The following BEND6 variants were observed in gnomAD, a reference collection of about 807,000 sequenced individuals.
BEND6 encodes BEN domain containing 6, also known as BEN domain-containing protein 6.
A neutral mutation model predicts 31.8 loss-of-function variants in BEND6; 24 were observed. That is an observed-to-expected ratio of 0.75 (90% CI 0.55 to 1.06). The LOEUF is 1.06. Among genes scored for constraint, BEND6 ranks in the 50% least tolerant of loss-of-function variants. The probability of loss-of-function intolerance (pLI) is 0.00; values close to 1 mark genes in which losing one functional copy is unlikely to be tolerated. For synonymous variants in BEND6, 109 were observed against 114.6 expected (o/e 0.95, Z 0.31); for missense variants, 294 against 327.4 (o/e 0.90, Z 0.79).
chr6:56,985,572 C>CA (rs2127856330), intron 2 of BEND6, among the ~76,000 whole-genome samples: 2 of 152,236 alleles, frequency 1.3e-5, no homozygotes, highest in South Asian at 4.1e-4. Context: ...GTCAGTGGTC[C>CA]AAAATACTCC....
intron 6 of BEND6, among the ~76,000 whole-genome samples, chr6:57,022,312 T>C (rs1403022197): frequency 6.6e-6 from 1 of 152,014 alleles, no homozygotes; most frequent in Non-Finnish European, 1.5e-5. Flanking sequence ...TTACTCCCTA[T>C]TGATTTGTTG....
At chr6:57,008,436 T>C in intron 3 of BEND6, 1 of 571,050 alleles carries the variant, frequency 1.8e-6, no homozygotes, top group Non-Finnish European at 3.1e-6. Flanking sequence ...TGTGGAAATC[T>C]GTCTGTGTAA....
intron 5 of BEND6, 80 bp from the exon 6 acceptor site, chr6:57,018,341 T>C (rs1366625460): frequency 2.1e-6 from 3 of 1,423,180 alleles, no homozygotes; most frequent in Non-Finnish European, 9.4e-7. Context: ...TGTAGAATAC[T>C]TGATGTTTTA....
At chr6:57,010,859 G>A (rs1394026580) in intron 3 of BEND6, 1 of 714,014 alleles carries the variant, frequency 1.4e-6, no homozygotes, top group South Asian at 6.4e-5. Flanking sequence ...TTTAAATTAT[G>A]TGTGTTTAAA....
At chr6:56,975,827 G>A (rs1825852456) in intron 1 of BEND6, 1 of 531,424 alleles carries the variant, frequency 1.9e-6, no homozygotes, top group Admixed American at 2.0e-5. Flanking sequence ...TACTCTGTAG[G>A]CCAAGAAAGC....
At chr6:56,958,883 CTA>C (rs1372222071) in intron 1 of BEND6, among the ~76,000 whole-genome samples, 2 of 152,018 alleles carry the variant, frequency 1.3e-5, no homozygotes, top group African/African-American at 4.8e-5. Context: ...GCAGGAGAGG[CTA>C]AAACCAGACA....
At chr6:56,955,837 G>C (rs1302881161) in intron 1 of BEND6, among the ~76,000 whole-genome samples, 1 of 152,156 alleles carries the variant, frequency 6.6e-6, no homozygotes, top group Non-Finnish European at 1.5e-5. Flanking sequence ...TGAGGCAATA[G>C]TGATCTCTCA....
Position 57,016,221 on chromosome 6 carries a change from C to T in BEND6, c.519+868C>T, listed in dbSNP as rs371503990. On this transcript the variant is annotated intron_variant, in intron 4 of 6. Coordinates refer to ENST00000370746, the MANE Select transcript of BEND6 (RefSeq NM_152731.3). The stretch of plus-strand genomic sequence containing the variant: ...CAGGAGTTTTGTTAGAATCAGGTAG[C>T]CTCAGTAAGTATACCATCAAAAATG... Among the ~76,000 whole-genome samples, 6 of 152,196 alleles carry T rather than the reference C, an allele frequency of 3.9e-5. No homozygotes were observed. In the East Asian group the frequency reaches 5.8e-4, roughly 15 times the overall value.
At chr6:57,006,579 ATT>A (rs1827168570) in intron 3 of BEND6, among the ~76,000 whole-genome samples, 1 of 152,252 alleles carries the variant, frequency 6.6e-6, no homozygotes. Flanking sequence ...TACAGTCTAA[ATT>A]AAAACTCCAT....
At chr6:56,958,275 G>A (rs567313668) in intron 1 of BEND6, among the ~76,000 whole-genome samples, 1 of 152,334 alleles carries the variant, frequency 6.6e-6, no homozygotes, top group South Asian at 2.1e-4. Flanking sequence ...AAAGATAGCA[G>A]TGAGTAAGGT....
chr6:56,991,000 C>A (rs1448461855), intron 2 of BEND6, among the ~76,000 whole-genome samples: 1 of 152,110 alleles, frequency 6.6e-6, no homozygotes, highest in East Asian at 1.9e-4. Context: ...GGTGGACACT[C>A]AACAAATAAT....
intron 3 of BEND6, among the ~76,000 whole-genome samples, chr6:57,005,629 G>A (rs1323923586): frequency 4.0e-5 from 6 of 150,566 alleles, no homozygotes; most frequent in Non-Finnish European, 8.8e-5. Context: ...GCAGTGAGCC[G>A]AGATCGCCCC....
At chr6:56,996,914 C>T (rs1172840455) in intron 3 of BEND6, among the ~76,000 whole-genome samples, 1 of 152,216 alleles carries the variant, frequency 6.6e-6, no homozygotes, top group African/African-American at 2.4e-5. Flanking sequence ...GGTCTATTCT[C>T]AACCCAGCAG....
intron 3 of BEND6, among the ~76,000 whole-genome samples, chr6:56,999,914 C>T (rs547038784): frequency 3.3e-5 from 5 of 152,100 alleles, no homozygotes; most frequent in South Asian, 2.1e-4. Flanking sequence ...CCAGCCGCCC[C>T]GTCTAGGAAG....
chr6:57,018,375 A>G lies in BEND6; in HGVS notation c.713-46A>G, dbSNP rs758579877. The G allele has an allele frequency of 2.0e-5, 31 of 1,548,996 alleles. No individual in the cohort carries two copies. In the Admixed American group the frequency reaches 2.5e-4, roughly 13 times the overall value. Reference sequence around the variant, plus strand: ...TACCTCAGTTCATACCCTAAGATGCAAAGCACTCATGAAGTTTCTCATGTG... The same window carrying G: ...TACCTCAGTTCATACCCTAAGATGCGAAGCACTCATGAAGTTTCTCATGTG... On this transcript the variant is annotated intron_variant, in intron 5 of 6. Transcript: ENST00000370746.
intron 1 of BEND6, among the ~76,000 whole-genome samples, chr6:56,970,856 T>C (rs1412603510): frequency 6.6e-6 from 1 of 152,234 alleles, no homozygotes; most frequent in Non-Finnish European, 1.5e-5. Context: ...ATTTGCTCTT[T>C]AACCAAATCA....
chr6:57,008,125 C>T, intron 3 of BEND6: 1 of 701,136 alleles, frequency 1.4e-6, no homozygotes, highest in South Asian at 1.5e-5. Flanking sequence ...CCAGTACCTT[C>T]AAGGCCTGTC....
intron 1 of BEND6, among the ~76,000 whole-genome samples, chr6:56,974,704 C>CATTTT (rs1225253498): frequency 1.3e-5 from 2 of 152,166 alleles, no homozygotes; most frequent in African/African-American, 4.8e-5. Flanking sequence ...CATGCCATGG[C>CATTTT]ATTTTATTTT....
chr6:57,024,051 C>G (rs1827831290), intron 6 of BEND6, among the ~76,000 whole-genome samples: 1 of 152,086 alleles, frequency 6.6e-6, no homozygotes, highest in South Asian at 2.1e-4. Flanking sequence ...ATTTTTATTA[C>G]AAAGAAGTTT....
Sources: gnomAD v4.1 joint callset for allele counts (sites outside exome capture counted in the v4.1 genomes callset) on GRCh38, gnomAD v4.1.1 for gene constraint, MANE v1.5 for transcripts, NCBI Gene and HGNC (gene_info 2026-07-23, HGNC 2026-07-21) for gene names.